RASAL1: variants seen among roughly 807,000 people sequenced by gnomAD.
RASAL1 encodes the protein rasGAP-activating-like protein 1.
RASAL1 carries 72 observed loss-of-function variants against 96.6 expected under a neutral mutation model. The ratio of observed to expected loss-of-function variants is 0.75; its 90% confidence interval spans 0.62 to 0.91. The LOEUF (loss-of-function observed/expected upper bound fraction) is 0.91, where lower values mean the gene tolerates loss of function less well. Ranked by LOEUF, RASAL1 falls within the 40% of genes least tolerant of loss-of-function variation. RASAL1 has a pLI of 0.00. For synonymous variants in RASAL1, 405 were observed against 430.4 expected (o/e 0.94, Z 0.73); for missense variants, 1,016 against 1,072.5 (o/e 0.95, Z 0.74).
At chr12:113,117,483 G>A (rs919282049) in intron 7 of RASAL1, among the ~76,000 whole-genome samples, 2 of 152,162 alleles carry the variant, frequency 1.3e-5, no homozygotes, top group East Asian at 1.9e-4. Flanking sequence ...TCTGTTTAGG[G>A]ACATAAATTT....
chr12:113,104,510 A>G (rs1488112653), intron 16 of RASAL1, among the ~76,000 whole-genome samples: 1 of 151,556 alleles, frequency 6.6e-6, no homozygotes, highest in African/African-American at 2.4e-5. Context: ...ATTTTTATTT[A>G]TTTATTTTTT....
rs775838120 is a variant in RASAL1 at position 113,117,179 on chromosome 12, C to T, written c.643-18G>A. On this transcript the variant is annotated intron_variant, in intron 7 of 20. Coordinates refer to ENST00000548055, the MANE Select transcript of RASAL1 (RefSeq NM_001301202.2). ...AACTCCACCTTTTGAGAGAGACACA[C>T]AGACCCTCAGCCGGGCCCTGGCCTG... is the stretch of plus-strand genomic sequence containing the variant. 6.4e-6 allele frequency: 10 copies of T among 1,554,640 alleles called. No individual in the cohort carries two copies. In the South Asian group the frequency reaches 1.0e-4, roughly 16 times the overall value.
chr12:113,100,224 G>A (rs545284484), intron 20 of RASAL1, among the ~76,000 whole-genome samples, 156 bp from the exon 21 acceptor site: 1 of 152,276 alleles, frequency 6.6e-6, no homozygotes, highest in South Asian at 2.1e-4. Context: ...GCCTGATAAT[G>A]GACTGGAAAC....
chr12:113,116,057 C>T lies in RASAL1; in HGVS notation c.732-6G>A. The T allele has an allele frequency of 1.3e-6, 2 of 1,564,546 alleles. No homozygotes were observed. The highest frequency in any genetic ancestry group is 1.7e-6 in the Non-Finnish European group (2 of 1,154,454). On this transcript the variant is annotated splice_polypyrimidine_tract_variant and splice_region_variant and intron_variant, in intron 8 of 20. Transcript: ENST00000548055. ...GCAGGGCACCCAGGTTCCCCCTGTC[C>T]AGGATCAGATCATAAGAAAATGAAA...
At chr12:113,127,008 TTTATATTTATATA>T (rs1951507566) in intron 4 of RASAL1, among the ~76,000 whole-genome samples, 2 of 148,666 alleles carry the variant, frequency 1.3e-5, no homozygotes, top group Non-Finnish European at 3.0e-5. Flanking sequence ...ATGTTATATG[TTTATATTTATATA>T]TACAGTATAT....
At chr12:113,100,738 AC>A in intron 19 of RASAL1, 58 bp from the exon 20 acceptor site, 1 of 1,471,710 alleles carries the variant, frequency 6.8e-7, no homozygotes, top group Non-Finnish European at 9.5e-7. Context: ...CCTGCTTCCT[AC>A]CCCAGAAATT....
chr12:113,114,760 G>T, intron 12 of RASAL1, 40 bp downstream of exon 12: 1 of 1,559,808 alleles, frequency 6.4e-7, no homozygotes, highest in South Asian at 1.1e-5. Context: ...GGTAGCCAAA[G>T]GGGCCCGTCG....
intron 5 of RASAL1, among the ~76,000 whole-genome samples, chr12:113,120,403 A>C (rs1188821594): frequency 1.3e-5 from 2 of 152,040 alleles, no homozygotes; most frequent in Non-Finnish European, 2.9e-5. Context: ...GTTCTCCCTC[A>C]ACCAGACTCT....
chr12:113,108,125 G>A lies in RASAL1; in HGVS notation c.1472C>T (p.Ala491Val), dbSNP rs772684767. ...PKLFDLRDQH[A>V]DPQTSRSLLL... ...CAGTGAGCGGCTAGTCTGGGGGTCC[G>A]CGTGTTGGTCCCGAAGGTCAAACAG... is the stretch of plus-strand genomic sequence containing the variant. The change falls in exon 14 of 21, where the codon GCG (alanine) becomes GTG (valine). Residue 491 changes from alanine to valine, a missense_variant. Transcript: ENST00000548055. 114 of 1,613,674 alleles carry A rather than the reference G, an allele frequency of 7.1e-5. No homozygotes were observed. The East Asian group carries it at 1.3e-3, about 19-fold the overall frequency.
chr12:113,114,718 C>G, intron 12 of RASAL1, 82 bp downstream of exon 12: 1 of 1,214,506 alleles, frequency 8.2e-7, no homozygotes, highest in Non-Finnish European at 1.2e-6. Flanking sequence ...GGGTGGCAGT[C>G]AGCATGAACC....
chr12:113,108,624 T>C (rs1374168801), intron 13 of RASAL1, among the ~76,000 whole-genome samples: 2 of 152,154 alleles, frequency 1.3e-5, no homozygotes, highest in Non-Finnish European at 2.9e-5. Flanking sequence ...CCCAGACCTG[T>C]GATTTATGAT....
chr12:113,128,133 C>A lies in RASAL1; in HGVS notation c.168G>T (p.Glu56Asp). ...WRSLGPFWGE[E>D]YTVHLPLDFH... The stretch of plus-strand genomic sequence containing the variant: ...AATCCAGAGGCAGGTGCACCGTGTA[C>A]TCCTCCCCCCAGAAGGGGCCCAGGC... The change falls in exon 3 of 21, where the codon GAG becomes GAT. Residue 56 changes from glutamate (E) to aspartate (D), a missense_variant. Glu to Asp is a conservative substitution (Grantham distance 45). Coordinates refer to ENST00000548055, the MANE Select transcript of RASAL1 (RefSeq NM_001301202.2). 6.2e-7 allele frequency: 1 copy of A among 1,613,858 alleles called. No homozygotes were observed. The highest frequency in any genetic ancestry group is 8.5e-7 in the Non-Finnish European group (1 of 1,179,968).
intron 14 of RASAL1, chr12:113,107,734 G>A (rs770922519): frequency 5.1e-5 from 20 of 390,764 alleles, no homozygotes; most frequent in Non-Finnish European, 7.7e-5. Context: ...GTTCCCTCCC[G>A]AGCCCAGATC....
At chr12:113,122,883 A>G (rs1951348004) in intron 4 of RASAL1, among the ~76,000 whole-genome samples, 1 of 152,230 alleles carries the variant, frequency 6.6e-6, no homozygotes, top group Admixed American at 6.5e-5. Context: ...CCAATTAAAT[A>G]AATGTTAAAC....
chr12:113,114,761 G>A (rs1440408792), intron 12 of RASAL1, 39 bp downstream of exon 12: 6 of 1,560,132 alleles, frequency 3.8e-6, no homozygotes, highest in Non-Finnish European at 5.3e-6. Context: ...GTAGCCAAAG[G>A]GGCCCGTCGG....
intron 13 of RASAL1, among the ~76,000 whole-genome samples, chr12:113,110,440 C>T (rs902929340): frequency 5.9e-5 from 9 of 152,218 alleles, no homozygotes; most frequent in East Asian, 5.8e-4. Flanking sequence ...ATCAGCACTA[C>T]GTAAGAGTTC....
chr12:113,128,972 G>C (rs935160194), intron 2 of RASAL1, among the ~76,000 whole-genome samples: 31 of 142,752 alleles, frequency 2.2e-4, no homozygotes, highest in Non-Finnish European at 2.6e-4. Context: ...CACAGTCACT[G>C]ACACACACAC....
rs146865681 is a variant in RASAL1 at position 113,100,059 on chromosome 12, G to A, written c.2288C>T (p.Pro763Leu). 1.8e-5 allele frequency: 29 copies of A among 1,607,946 alleles called. No individual in the cohort carries two copies. The Middle Eastern group carries it at 9.9e-4, about 55-fold the overall frequency. ...TGCTCTTTGCCGGGCCAGGACCTCA[G>A]GACAGGCCCCTAGGAGGGAGACAAG... The part of the protein sequence containing the change: ...TTLEADTGAC[P>L]EVLARQRAAT... The change falls in exon 21 of 21, where the codon CCT (proline) becomes CTT (leucine). Residue 763 changes from proline to leucine, a missense_variant. Physicochemically the swap from Pro to Leu is moderately conservative, Grantham distance 98. Transcript: ENST00000548055.
Position 113,135,495 on chromosome 12 carries a change from G to A in RASAL1, c.-33C>T, listed in dbSNP as rs758981959. 2 of 1,573,980 alleles carry A rather than the reference G, an allele frequency of 1.3e-6. No individual in the cohort carries two copies. The highest frequency in any genetic ancestry group is 2.7e-5 in the African/African-American group (2 of 73,796). ...AGCCACAAACTTTCCAGGCAGAAGG[G>A]CGCTCAGGTTCCGAGGCTGGACCAG... is the stretch of plus-strand genomic sequence containing the variant. On this transcript the variant is annotated 5_prime_UTR_variant, in exon 1 of 21. Transcript: ENST00000548055. The surrounding 1 kb of genome is among the most constrained non-coding windows in gnomAD (Gnocchi z 5.7).
Sources: allele counts gnomAD v4.1 joint callset (sites outside exome capture counted in the v4.1 genomes callset), GRCh38; gene constraint gnomAD v4.1.1; non-coding constraint Gnocchi (gnomAD v3.1); transcripts MANE v1.5; gene names NCBI Gene and HGNC (gene_info 2026-07-23, HGNC 2026-07-21).